Variants in MDGA2 observed in about 807,000 individuals in gnomAD.
MDGA2 encodes MAM domain-containing glycosylphosphatidylinositol anchor protein 2.
MDGA2 carries 40 observed loss-of-function variants against 117.8 expected under a neutral mutation model. That is an observed-to-expected ratio of 0.34 (90% CI 0.26 to 0.44). The LOEUF (loss-of-function observed/expected upper bound fraction) is 0.44. MDGA2 is among the 20% of genes least tolerant of loss of function. MDGA2 has a pLI of 1.00. For missense variants in MDGA2, 1,123 were observed against 1,250.6 expected (o/e 0.90, Z 1.54); for synonymous variants, 452 against 439.0 (o/e 1.03, Z -0.37).
At chr14:47,585,885 A>G (rs1896316294) in intron 1 of MDGA2, among the ~76,000 whole-genome samples, 1 of 151,822 alleles carries the variant, frequency 6.6e-6, no homozygotes, top group African/African-American at 2.4e-5. Context: ...AACAAGAGGC[A>G]AGAAACATTT....
At position 47,086,468 on chromosome 14, in the gene MDGA2, C is replaced by A. The variant is rs545485725; in HGVS notation, c.1195+10386G>T. ...CAGAAAATTTGTCAGGTTGCTAATT[C>A]AATTAAAAATTGTATGTAAAACCAC... On this transcript the variant is annotated intron_variant, in intron 6 of 16. Coordinates refer to ENST00000399232, the MANE Select transcript of MDGA2 (RefSeq NM_001113498.3). Among the ~76,000 whole-genome samples, 155 of 152,102 alleles carry A rather than the reference C, an allele frequency of 1.0e-3. 2 individuals carry two copies. Among genetic ancestry groups the A allele is most frequent in the African/African-American group, 3.5e-3 (147 of 41,532 alleles).
At chr14:46,943,339 A>C (rs1487565609) in intron 9 of MDGA2, among the ~76,000 whole-genome samples, 1 of 151,718 alleles carries the variant, frequency 6.6e-6, no homozygotes, top group Non-Finnish European at 1.5e-5. Context: ...TTTTTTTCTC[A>C]GTCCAGTTCT....
chr14:46,947,616 G>C (rs187998007), intron 9 of MDGA2, among the ~76,000 whole-genome samples: 1 of 151,904 alleles, frequency 6.6e-6, no homozygotes, highest in Middle Eastern at 3.2e-3. Flanking sequence ...TAAAAAAGAG[G>C]AGTTCCCCTG....
intron 10 of MDGA2, among the ~76,000 whole-genome samples, chr14:46,899,497 C>G (rs1883203308): frequency 6.6e-6 from 1 of 151,684 alleles, no homozygotes; most frequent in Admixed American, 6.6e-5. Context: ...TATATTACTG[C>G]CCAAGACAAT....
intron 1 of MDGA2, among the ~76,000 whole-genome samples, chr14:47,318,791 AG>A (rs940608811): frequency 6.7e-6 from 1 of 148,548 alleles, no homozygotes; most frequent in Non-Finnish European, 1.5e-5. Flanking sequence ...AAAGGAGGGG[AG>A]GGGGGAAAGG....
At chr14:47,157,043 T>C (rs1303283594) in intron 3 of MDGA2, among the ~76,000 whole-genome samples, 2 of 152,328 alleles carry the variant, frequency 1.3e-5, no homozygotes, top group East Asian at 3.9e-4. Context: ...TAGACATCAA[T>C]AATTAAGAAC....
intron 1 of MDGA2, among the ~76,000 whole-genome samples, chr14:47,413,392 G>T (rs1033109762): frequency 3.3e-5 from 5 of 152,126 alleles, no homozygotes; most frequent in Non-Finnish European, 7.4e-5. Flanking sequence ...CTAAAAATGG[G>T]TCTCTGTTTT....
At chr14:46,927,206 A>T (rs1005944832) in intron 9 of MDGA2, among the ~76,000 whole-genome samples, 1 of 152,196 alleles carries the variant, frequency 6.6e-6, no homozygotes, top group African/African-American at 2.4e-5. Flanking sequence ...CTGTCAAGTC[A>T]AAAGAAAATT....
chr14:47,394,366 G>A (rs1440052950), intron 1 of MDGA2, among the ~76,000 whole-genome samples: 2 of 152,038 alleles, frequency 1.3e-5, no homozygotes, highest in African/African-American at 2.4e-5. Flanking sequence ...CAGCAAGAAG[G>A]CATCTGTAAC....
chr14:47,291,998 C>A (rs1888907348), intron 2 of MDGA2, among the ~76,000 whole-genome samples: 1 of 152,138 alleles, frequency 6.6e-6, no homozygotes, highest in African/African-American at 2.4e-5. Context: ...AAAAAGCATG[C>A]ATTTGTTAGA....
chr14:46,942,906 ATTAAT>A lies in MDGA2; in HGVS notation c.2089+14463_2089+14467del, dbSNP rs374899117. On this transcript the variant is annotated intron_variant, in intron 9 of 16. Transcript: ENST00000399232. The stretch of plus-strand genomic sequence containing the variant: ...ATGTGCTTTCATTTCTGTTGGGTAA[ATTAAT>A]TTACTTAATAGTATGCTTAAAATCT... Among the ~76,000 whole-genome samples the A allele has an allele frequency of 1.2e-3, 177 of 152,258 alleles. 1 individual carries two copies. Among genetic ancestry groups the A allele is most frequent in the African/African-American group, 4.1e-3 (170 of 41,578 alleles).
chr14:47,619,515 A>C (rs1897011919), intron 1 of MDGA2, among the ~76,000 whole-genome samples: 1 of 152,218 alleles, frequency 6.6e-6, no homozygotes. Flanking sequence ...CTGTGTATTC[A>C]GTCAGAAAGC....
intron 1 of MDGA2, among the ~76,000 whole-genome samples, chr14:47,575,677 G>T (rs1399085586): frequency 6.6e-6 from 1 of 152,152 alleles, no homozygotes; most frequent in Admixed American, 6.6e-5. Flanking sequence ...GAACATGTGT[G>T]TGAGCCACCC....
At chr14:47,055,002 CTTTTT>C (rs10640408) in intron 7 of MDGA2, among the ~76,000 whole-genome samples, 13 of 125,670 alleles carry the variant, frequency 1.0e-4, no homozygotes, top group Middle Eastern at 4.7e-3. Context: ...TTTTTCTTTT[CTTTTT>C]TTTTTTTTTT....
At chr14:47,580,681 A>C (rs1421776969) in intron 1 of MDGA2, among the ~76,000 whole-genome samples, 1 of 152,036 alleles carries the variant, frequency 6.6e-6, no homozygotes, top group African/African-American at 2.4e-5. Flanking sequence ...AAAAAAAGCC[A>C]GTATGTCTCT....
chr14:47,477,361 T>C lies in MDGA2; in HGVS notation c.281-175811A>G, dbSNP rs182426750. On this transcript the variant is annotated intron_variant, in intron 1 of 16. Transcript: ENST00000399232. ...ACATGTATTTCAATTTTAATATCTT[T>C]GGAACCTAAAGTAGTGTCAAGTAGA... Among the ~76,000 whole-genome samples the C allele has an allele frequency of 1.3e-3, 204 of 152,280 alleles. 1 individual carries two copies. The highest frequency in any genetic ancestry group is 2.5e-3 in the Non-Finnish European group (171 of 68,026).
chr14:47,467,550 C>T (rs1331216812), intron 1 of MDGA2, among the ~76,000 whole-genome samples: 1 of 152,026 alleles, frequency 6.6e-6, no homozygotes. Context: ...ATTTTCAACA[C>T]CCAGAAGTAG....
intron 10 of MDGA2, among the ~76,000 whole-genome samples, chr14:46,883,199 A>G (rs1327951402): frequency 1.3e-5 from 2 of 152,124 alleles, no homozygotes; most frequent in East Asian, 1.9e-4. Flanking sequence ...AAGTTTTAAC[A>G]TACAATATTG....
intron 5 of MDGA2, among the ~76,000 whole-genome samples, chr14:47,119,728 A>G (rs1483205725): frequency 6.6e-6 from 1 of 152,208 alleles, no homozygotes; most frequent in Admixed American, 6.5e-5. Context: ...AAGAATAGAA[A>G]GAATTTAGTC....
Sources: allele counts gnomAD v4.1 joint callset (sites outside exome capture counted in the v4.1 genomes callset), GRCh38; gene constraint gnomAD v4.1.1; transcripts MANE v1.5; gene names NCBI Gene and HGNC (gene_info 2026-07-23, HGNC 2026-07-21).